Variants in NAP1L4 observed in about 807,000 individuals in gnomAD.
NAP1L4 encodes nucleosome assembly protein 1-like 4.
A neutral mutation model predicts 58.2 loss-of-function variants in NAP1L4; 15 were observed. The ratio of observed to expected loss-of-function variants is 0.26; its 90% CI spans 0.17 to 0.40. The LOEUF is 0.40. Among genes scored for constraint, NAP1L4 ranks in the 10% least tolerant of loss-of-function variants. The pLI, the probability that NAP1L4 is intolerant of heterozygous loss-of-function variation, is 1.00. For synonymous variants in NAP1L4, 171 were observed against 155.6 expected (o/e 1.10, Z -0.74); for missense variants, 384 against 451.1 (o/e 0.85, Z 1.35).
intron 2 of NAP1L4, 61 bp downstream of exon 2, chr11:2,979,146 C>A: frequency 6.6e-7 from 1 of 1,521,552 alleles, no homozygotes; most frequent in South Asian, 1.2e-5. Context: ...TGAAAAATGG[C>A]TTGGCTGTTG....
intron 15 of NAP1L4, 29 bp from the exon 16 acceptor site, chr11:2,945,675 A>C (rs1459326246): frequency 6.5e-6 from 10 of 1,528,972 alleles, no homozygotes; most frequent in Middle Eastern, 1.7e-4. Flanking sequence ...AGGCTTGTAG[A>C]GAGCAAAGCC....
chr11:2,962,157 A>T (rs1846962912), intron 8 of NAP1L4, among the ~76,000 whole-genome samples: 1 of 152,244 alleles, frequency 6.6e-6, no homozygotes, highest in Non-Finnish European at 1.5e-5. Flanking sequence ...ACTGGTAAGT[A>T]CACTGAAAGG....
In NAP1L4 at chr11:2,955,149, T is replaced by G. The variant is rs1846457553; in HGVS notation, c.916-503A>C. Among the ~76,000 whole-genome samples the G allele has an allele frequency of 6.6e-6, 1 of 152,004 alleles. No individual in the cohort carries two copies. Among genetic ancestry groups the G allele is most frequent in the Admixed American group, 6.6e-5 (1 of 15,252 alleles). On this transcript the variant is annotated intron_variant, in intron 11 of 15. Transcript: ENST00000380542. The surrounding 1 kb of genome is among the most constrained non-coding windows in gnomAD (Gnocchi z 4.2). ...ACAGCTCACTCCAGCCTCAAGCTCC[T>G]GGGCCCCAGCGACCCTGGAACTACA...
intron 7 of NAP1L4, among the ~76,000 whole-genome samples, chr11:2,969,510 C>T (rs1415236882): frequency 1.3e-5 from 2 of 152,096 alleles, no homozygotes; most frequent in Admixed American, 1.3e-4. Flanking sequence ...TTCCCACAGG[C>T]AAGACAACAG....
At chr11:2,957,555 T>C (rs1846616396) in intron 10 of NAP1L4, among the ~76,000 whole-genome samples, 1 of 152,230 alleles carries the variant, frequency 6.6e-6, no homozygotes, top group African/African-American at 2.4e-5. Context: ...CTTCAAATTA[T>C]GTTTTAGTTC....
rs1381360659 is a variant in NAP1L4 at position 2,955,199 on chromosome 11, TTTA to T, written c.915+542_915+544del. Among the ~76,000 whole-genome samples, 4 of 151,970 alleles carry T rather than the reference TTTA, an allele frequency of 2.6e-5. No homozygotes were observed. Among genetic ancestry groups the T allele is most frequent in the African/African-American group, 4.8e-5 (2 of 41,410 alleles). ...ACAGTGCACCACCATGTCCAGCTAA[TTTA>T]TTATTTTATCTTTTGAGACGGAGTC... is the stretch of plus-strand genomic sequence containing the variant. On this transcript the variant is annotated intron_variant, in intron 11 of 15. Transcript: ENST00000380542. This position sits in a 1 kb window ranked among gnomAD's most constrained non-coding sequence, Gnocchi z 4.2.
Position 2,954,569 on chromosome 11 carries a change from A to C in NAP1L4, c.993T>G (p.Ala331=), listed in dbSNP as rs199637959. 1,148 of 1,614,214 alleles carry C rather than the reference A, an allele frequency of 7.1e-4. 7 individuals are homozygous for C. In the African/African-American group the frequency reaches 0.014, roughly 19 times the overall value. The part of the protein sequence containing the change: ...HFFRERIVPR[A]VLYFTGEAIE... ...TGGCCTCCCCAGTGAAGTACAGCACAGCCCGCGGGACTATCCGCTCACGGA... is the reference window on the plus strand; with the variant it reads ...TGGCCTCCCCAGTGAAGTACAGCACCGCCCGCGGGACTATCCGCTCACGGA... The change falls in exon 12 of 16, where the codon GCT becomes GCG. Residue 331 remains alanine (A), a synonymous_variant. Transcript: ENST00000380542. The surrounding 1 kb of genome is among the most constrained non-coding windows in gnomAD (Gnocchi z 4.8).
chr11:2,980,996 A>C (rs1236159210), intron 1 of NAP1L4, among the ~76,000 whole-genome samples: 2 of 152,010 alleles, frequency 1.3e-5, no homozygotes, highest in Admixed American at 6.6e-5. Flanking sequence ...TGGGAGGCCA[A>C]AGTGGGCAGA....
At chr11:2,964,953 C>T (rs758397651) in intron 7 of NAP1L4, among the ~76,000 whole-genome samples, 7 of 152,196 alleles carry the variant, frequency 4.6e-5, no homozygotes, top group Admixed American at 2.0e-4. Context: ...CCAAGGTGTC[C>T]CCTTTCCCTA....
At chr11:2,980,818 T>G (rs1173216249) in intron 1 of NAP1L4, among the ~76,000 whole-genome samples, 3 of 152,238 alleles carry the variant, frequency 2.0e-5, no homozygotes, top group African/African-American at 7.2e-5. Context: ...TTTAAAATTT[T>G]TATTGTTTAG....
chr11:2,949,082 C>T lies in NAP1L4; in HGVS notation c.*32+145G>A. The T allele has an allele frequency of 1.6e-6, 1 of 614,730 alleles. No individual in the cohort carries two copies. Among genetic ancestry groups the T allele is most frequent in the Non-Finnish European group, 2.8e-6 (1 of 352,740 alleles). 38.1% of individuals were successfully genotyped at this position (614,730 alleles called of 1,614,324 possible). On this transcript the variant is annotated intron_variant, in intron 15 of 15. Coordinates refer to ENST00000380542, the MANE Select transcript of NAP1L4 (RefSeq NM_005969.4). The surrounding 1 kb of genome is among the most constrained non-coding windows in gnomAD (Gnocchi z 4.0). ...GTTTGGTTCGTTGATTTTAAAAGTA[C>T]ATGTAACAGACACCTATGTCAAACC... is the stretch of plus-strand genomic sequence containing the variant.
intron 3 of NAP1L4, among the ~76,000 whole-genome samples, chr11:2,977,914 C>T (rs12361728): frequency 0.14 from 20,912 of 150,870 alleles, 1,534 homozygotes; most frequent in Middle Eastern, 0.17. Context: ...GTGCCTGTAG[C>T]CCCAACTACC....
chr11:2,975,216 G>T (rs1847879245), intron 4 of NAP1L4, among the ~76,000 whole-genome samples: 1 of 151,632 alleles, frequency 6.6e-6, no homozygotes, highest in Non-Finnish European at 1.5e-5. Context: ...TACTCTGGAG[G>T]CTGAGGTAGA....
intron 10 of NAP1L4, among the ~76,000 whole-genome samples, chr11:2,957,204 T>C (rs1846596215): frequency 6.6e-6 from 1 of 152,182 alleles, no homozygotes; most frequent in Non-Finnish European, 1.5e-5. Flanking sequence ...AAGCCTCCCT[T>C]CTTCACGCTG....
intron 8 of NAP1L4, among the ~76,000 whole-genome samples, chr11:2,961,304 G>A (rs1408875239): frequency 6.6e-6 from 1 of 152,128 alleles, no homozygotes; most frequent in African/African-American, 2.4e-5. Context: ...GTTTCTAGAA[G>A]GGATGACAGC....
chr11:2,959,519 C>A lies in NAP1L4; in HGVS notation c.746+251G>T, dbSNP rs539128905. Among the ~76,000 whole-genome samples the A allele has an allele frequency of 6.6e-6, 1 of 152,188 alleles. No individual in the cohort carries two copies. The highest frequency in any genetic ancestry group is 3.2e-3 in the Middle Eastern group (1 of 316). On this transcript the variant is annotated intron_variant, in intron 9 of 15. Transcript: ENST00000380542. This position sits in a 1 kb window ranked among gnomAD's most constrained non-coding sequence, Gnocchi z 4.9. ...CACTACTTTCATTAAAATGAAGAAA[C>A]AGGGCACTATCCCAAAGGCTTGCAT...
At chr11:2,992,044 C>G (rs1181386672) in intron 1 of NAP1L4, 6 of 152,346 alleles carry the variant, frequency 3.9e-5, no homozygotes, top group African/African-American at 1.4e-4. Context: ...GCGCCCCAGG[C>G]CCGGGCTCCA....
At chr11:2,960,313 C>A (rs1381857891) in intron 8 of NAP1L4, among the ~76,000 whole-genome samples, 1 of 152,178 alleles carries the variant, frequency 6.6e-6, no homozygotes, top group Admixed American at 6.5e-5. Context: ...CAGCCCCCAC[C>A]CTGCTGGGGG....
At chr11:2,966,397 G>C (rs1389726851) in intron 7 of NAP1L4, among the ~76,000 whole-genome samples, 2 of 120,906 alleles carry the variant, frequency 1.7e-5, no homozygotes, top group Non-Finnish European at 3.5e-5. Flanking sequence ...CAATCTAGCA[G>C]TCACTCTGTA....
Sources: allele counts gnomAD v4.1 joint callset (sites outside exome capture counted in the v4.1 genomes callset), GRCh38; gene constraint gnomAD v4.1.1; non-coding constraint Gnocchi (gnomAD v3.1); transcripts MANE v1.5; gene names NCBI Gene and HGNC (gene_info 2026-07-23, HGNC 2026-07-21).